SNTG1: variants seen among roughly 807,000 people sequenced by gnomAD.
SNTG1 encodes gamma-1-syntrophin.
A neutral mutation model predicts 74.7 loss-of-function variants in SNTG1; 39 were observed. The observed-to-expected ratio is 0.52, with a 90% confidence interval of 0.40 to 0.68. SNTG1 has a LOEUF of 0.68. Among genes scored for constraint, SNTG1 ranks in the 30% least tolerant of loss-of-function variants. SNTG1 has a pLI of 0.00. For missense variants in SNTG1, 685 were observed against 609.5 expected, an observed-to-expected ratio of 1.12 and a Z score of -1.30; for synonymous variants, 254 against 217.1, an observed-to-expected ratio of 1.17 and a Z score of -1.49.
At chr8:50,238,706 C>A (rs1586806867) in intron 2 of SNTG1, among the ~76,000 whole-genome samples, 1 of 152,138 alleles carries the variant, frequency 6.6e-6, no homozygotes, top group East Asian at 1.9e-4. Context: ...AAACAGACAA[C>A]CTACAGAACG....
chr8:50,504,437 A>G (rs1563488910), intron 9 of SNTG1, among the ~76,000 whole-genome samples: 1 of 152,190 alleles, frequency 6.6e-6, no homozygotes, highest in African/African-American at 2.4e-5. Flanking sequence ...TTATTACAAT[A>G]AGTACTTAAG....
At chr8:50,669,676 C>T (rs1274781414) in intron 15 of SNTG1, among the ~76,000 whole-genome samples, 1 of 152,194 alleles carries the variant, frequency 6.6e-6, no homozygotes, top group Non-Finnish European at 1.5e-5. Context: ...AGGGAATCCT[C>T]CCTAACTCAT....
At chr8:50,099,399 T>A (rs909068963) in intron 1 of SNTG1, among the ~76,000 whole-genome samples, 1 of 152,134 alleles carries the variant, frequency 6.6e-6, no homozygotes, top group Non-Finnish European at 1.5e-5. Context: ...AAGGAGGATC[T>A]TCAAAATTGA....
chr8:50,017,726 A>G (rs1349120904), intron 1 of SNTG1, among the ~76,000 whole-genome samples: 1 of 152,038 alleles, frequency 6.6e-6, no homozygotes, highest in African/African-American at 2.4e-5. Context: ...ATAAACATAT[A>G]TGCACCTACA....
At chr8:50,153,986 G>A (rs1217546215) in intron 1 of SNTG1, among the ~76,000 whole-genome samples, 2 of 152,198 alleles carry the variant, frequency 1.3e-5, no homozygotes, top group African/African-American at 2.4e-5. Context: ...GTTAGGCTAT[G>A]CCCTGCCTCC....
intron 1 of SNTG1, among the ~76,000 whole-genome samples, chr8:50,083,414 C>G (rs1259493078): frequency 6.6e-6 from 1 of 152,104 alleles, no homozygotes; most frequent in Non-Finnish European, 1.5e-5. Flanking sequence ...GTCAATTTTG[C>G]ACCCATAAAT....
At chr8:50,177,523 C>G (rs1207346879) in intron 2 of SNTG1, among the ~76,000 whole-genome samples, 1 of 152,170 alleles carries the variant, frequency 6.6e-6, no homozygotes, top group Non-Finnish European at 1.5e-5. Context: ...GTGTCTGCTC[C>G]AACCCGTGGG....
At position 50,473,354 on chromosome 8, in the gene SNTG1, T is replaced by A. The variant is rs141489560; in HGVS notation, c.363+22625T>A. 1.1e-4 allele frequency among the ~76,000 whole-genome samples: 17 copies of A among 152,278 alleles called. No homozygotes were observed. In the East Asian group the frequency reaches 3.3e-3, roughly 29 times the overall value. On this transcript the variant is annotated intron_variant, in intron 8 of 18. Transcript: ENST00000642720. ...CTAGCCATGCTGCACTGTGAGTCAATTAAACCTCTTTCCCTTAAAAATCAC... is the reference window on the plus strand; with the variant it reads ...CTAGCCATGCTGCACTGTGAGTCAAATAAACCTCTTTCCCTTAAAAATCAC...
chr8:50,493,837 A>G (rs1354017232), intron 8 of SNTG1, among the ~76,000 whole-genome samples: 1 of 151,588 alleles, frequency 6.6e-6, no homozygotes, highest in Non-Finnish European at 1.5e-5. Context: ...AAATAATAAA[A>G]CCATGTCAAA....
chr8:50,473,173 C>T (rs945222143), intron 8 of SNTG1, among the ~76,000 whole-genome samples: 2 of 152,108 alleles, frequency 1.3e-5, no homozygotes, highest in Admixed American at 1.3e-4. Flanking sequence ...TCCCCATGCT[C>T]TGCTCATGAT....
At chr8:50,200,774 C>A (rs1178013140) in intron 2 of SNTG1, among the ~76,000 whole-genome samples, 1 of 151,994 alleles carries the variant, frequency 6.6e-6, no homozygotes, top group Non-Finnish European at 1.5e-5. Context: ...GGGAATGATC[C>A]ATGCAATATT....
intron 2 of SNTG1, among the ~76,000 whole-genome samples, chr8:50,264,294 G>A (rs1394010944): frequency 6.6e-6 from 1 of 152,086 alleles, no homozygotes; most frequent in East Asian, 1.9e-4. Flanking sequence ...TGCACTGGGT[G>A]CAGTGGCTGA....
chr8:50,246,076 T>C (rs1476328931), intron 2 of SNTG1, among the ~76,000 whole-genome samples: 1 of 151,144 alleles, frequency 6.6e-6, no homozygotes, highest in Non-Finnish European at 1.5e-5. Context: ...TATTAAAATG[T>C]ATTAAAATCT....
chr8:50,764,037 CA>C (rs1328486069), intron 18 of SNTG1, among the ~76,000 whole-genome samples: 1 of 151,156 alleles, frequency 6.6e-6, no homozygotes, highest in Non-Finnish European at 1.5e-5. Flanking sequence ...TGATTATGAT[CA>C]ATTGATTTTT....
intron 11 of SNTG1, among the ~76,000 whole-genome samples, chr8:50,537,553 T>C (rs1240805281): frequency 6.6e-6 from 1 of 152,176 alleles, no homozygotes; most frequent in Non-Finnish European, 1.5e-5. Context: ...GTACATTTTG[T>C]TGATTTTTTA....
chr8:50,673,295 C>T (rs534993418), intron 15 of SNTG1, among the ~76,000 whole-genome samples: 24 of 152,208 alleles, frequency 1.6e-4, no homozygotes, highest in African/African-American at 5.3e-4. Flanking sequence ...GATATTGATT[C>T]TTCTTATCCA....
At chr8:50,779,270 T>C (rs1048826797) in intron 18 of SNTG1, among the ~76,000 whole-genome samples, 2 of 152,226 alleles carry the variant, frequency 1.3e-5, no homozygotes, top group African/African-American at 4.8e-5. Flanking sequence ...GGGGATGGCA[T>C]TGAATCTATA....
chr8:50,285,683 A>G (rs951761425), intron 2 of SNTG1, among the ~76,000 whole-genome samples: 1 of 152,086 alleles, frequency 6.6e-6, no homozygotes, highest in African/African-American at 2.4e-5. Flanking sequence ...GAGTTCATCA[A>G]TAAAAATGGC....
At chr8:50,051,906 G>A (rs1267928012) in intron 1 of SNTG1, among the ~76,000 whole-genome samples, 1 of 151,958 alleles carries the variant, frequency 6.6e-6, no homozygotes, top group Admixed American at 6.6e-5. Context: ...AGATACTTTT[G>A]AACAAAATTA....
Sources: allele counts gnomAD v4.1 joint callset (sites outside exome capture counted in the v4.1 genomes callset), GRCh38; gene constraint gnomAD v4.1.1; transcripts MANE v1.5; gene names NCBI Gene and HGNC (gene_info 2026-07-23, HGNC 2026-07-21).